The following ANKRD36 variants were observed in gnomAD, a reference collection of about 807,000 sequenced individuals.
The protein encoded by ANKRD36 is ankyrin repeat domain 36.
Under a neutral mutation model 278.1 loss-of-function variants are expected in ANKRD36, and 179 were observed. The observed-to-expected ratio is 0.64, with a 90% CI of 0.57 to 0.73. ANKRD36 has a LOEUF of 0.73. Among genes scored for constraint, ANKRD36 ranks in the 30% least tolerant of loss-of-function variants. The probability of loss-of-function intolerance (pLI) is 0.00; values close to 1 mark genes in which losing one functional copy is unlikely to be tolerated. For missense variants in ANKRD36, 1,159 were observed against 1,956.7 expected, an observed-to-expected ratio of 0.59 and a Z score of 7.69; for synonymous variants, 320 against 641.1, an observed-to-expected ratio of 0.50 and a Z score of 7.57.
intron 24 of ANKRD36, among the ~76,000 whole-genome samples, chr2:97,180,143 T>G (rs1470971340): frequency 6.6e-6 from 1 of 151,554 alleles, no homozygotes; most frequent in South Asian, 2.1e-4. Flanking sequence ...TTCCCTACAT[T>G]GAAATTGGGA....
intron 5 of ANKRD36, among the ~76,000 whole-genome samples, chr2:97,126,476 C>T (rs529299342): frequency 1.3e-5 from 2 of 151,820 alleles, no homozygotes; most frequent in Non-Finnish European, 2.9e-5. Flanking sequence ...GTTGAGATAA[C>T]CTGAATTATA....
intron 6 of ANKRD36, among the ~76,000 whole-genome samples, chr2:97,132,283 A>T (rs1451301542): frequency 1.3e-5 from 2 of 151,788 alleles, no homozygotes; most frequent in Non-Finnish European, 2.9e-5. Flanking sequence ...GGTGTGTGTC[A>T]TTGCACCTGG....
intron 4 of ANKRD36, among the ~76,000 whole-genome samples, chr2:97,123,810 A>G (rs1266844626): frequency 6.9e-6 from 1 of 144,666 alleles, no homozygotes; most frequent in Non-Finnish European, 1.5e-5. Context: ...GATAATATAT[A>G]ATACACTATA....
At chr2:97,150,868 TA>T (rs2045752441) in intron 12 of ANKRD36, among the ~76,000 whole-genome samples, 55 of 124,272 alleles carry the variant, frequency 4.4e-4, no homozygotes, top group Admixed American at 1.3e-3. Context: ...GCTGGAATTT[TA>T]TTGTTTTTTT....
rs544028083 is a variant in ANKRD36 at position 97,203,591 on chromosome 2, C to G, written c.2960-477C>G. Among the ~76,000 whole-genome samples, 7 of 151,936 alleles carry G rather than the reference C, an allele frequency of 4.6e-5. No homozygotes were observed. In the East Asian group the frequency reaches 1.4e-3, roughly 30 times the overall value. On this transcript the variant is annotated intron_variant, in intron 48 of 75. Coordinates refer to ENST00000420699, the MANE Select transcript of ANKRD36 (RefSeq NM_001354587.1). Reference sequence around the variant, plus strand: ...GAAGAGATGTGAAGTGTACGTTCAACTGAATTGTCATGGTAATTGTGTGCC... The same window carrying G: ...GAAGAGATGTGAAGTGTACGTTCAAGTGAATTGTCATGGTAATTGTGTGCC...
chr2:97,183,526 T>G (rs534019372), intron 27 of ANKRD36, 39 bp downstream of exon 27: 3 of 1,552,142 alleles, frequency 1.9e-6, no homozygotes, highest in African/African-American at 2.8e-5. Context: ...TTATTTATTT[T>G]ATAGCCTATG....
intron 22 of ANKRD36, among the ~76,000 whole-genome samples, chr2:97,176,896 G>C (rs1049912702): frequency 1.3e-5 from 2 of 151,608 alleles, no homozygotes; most frequent in African/African-American, 4.8e-5. Flanking sequence ...GCTTAGTTTG[G>C]CTGGATATGA....
At chr2:97,208,234 A>G (rs1183146024) in intron 54 of ANKRD36, among the ~76,000 whole-genome samples, 1 of 146,744 alleles carries the variant, frequency 6.8e-6, no homozygotes, top group East Asian at 1.9e-4. Flanking sequence ...AAGAAGAATT[A>G]TGGAGAGCAG....
intron 64 of ANKRD36, among the ~76,000 whole-genome samples, chr2:97,217,664 A>G (rs1207341512): frequency 6.6e-6 from 1 of 152,090 alleles, no homozygotes; most frequent in Non-Finnish European, 1.5e-5. Flanking sequence ...TTTTGCTCTT[A>G]TTTCAGAGCA....
chr2:97,209,354 C>T lies in ANKRD36; in HGVS notation c.3266-327C>T, dbSNP rs375626628. On this transcript the variant is annotated intron_variant, in intron 54 of 75. Coordinates refer to ENST00000420699, the MANE Select transcript of ANKRD36 (RefSeq NM_001354587.1). ...GCACCTGTTTTGACATTGATTCTCA[C>T]GTATATGAGTTGTTCCTCTGATTTT... 2.9e-4 allele frequency among the ~76,000 whole-genome samples: 43 copies of T among 146,690 alleles called. 12 individuals carry two copies. The highest frequency in any genetic ancestry group is 6.7e-4 in the Admixed American group (10 of 14,826).
At chr2:97,195,773 C>A (rs2059587991) in intron 40 of ANKRD36, among the ~76,000 whole-genome samples, 1 of 151,904 alleles carries the variant, frequency 6.6e-6, no homozygotes. Context: ...TGTTGCATTC[C>A]AATTAAGTCC....
rs2059881102 is a variant in ANKRD36, at chr2:97,196,768, A to T, written c.2633A>T (p.Asp878Val). The change falls in exon 42 of 76, where the codon GAT (aspartate) becomes GTT (valine). Residue 878 changes from aspartate to valine, a missense_variant. Asp to Val is a radical substitution (Grantham distance 152). Transcript: ENST00000420699. ...TTGGGTATAGCCAGAGAAAACAAGG[A>T]TGGAGAAAAATCTAGGACAGGTAAT... is the stretch of plus-strand genomic sequence containing the variant. ...SVLGIARENKDGEKSRTVSSE... is the reference protein window; with the variant it reads ...SVLGIARENKVGEKSRTVSSE... The T allele has an allele frequency of 1.9e-6, 3 of 1,549,240 alleles. No homozygotes were observed. The East Asian group carries it at 7.3e-5, about 38-fold the overall frequency.
At chr2:97,201,861 A>T (rs1213034908) in intron 46 of ANKRD36, among the ~76,000 whole-genome samples, 1 of 151,902 alleles carries the variant, frequency 6.6e-6, no homozygotes, top group Non-Finnish European at 1.5e-5. Flanking sequence ...ACCTGCTTTG[A>T]CATTGATTCT....
intron 14 of ANKRD36, among the ~76,000 whole-genome samples, chr2:97,152,895 A>G (rs2046429502): frequency 6.7e-6 from 1 of 149,370 alleles, no homozygotes; most frequent in African/African-American, 2.4e-5. Context: ...CAATTCAGAA[A>G]GTCACATTTT....
chr2:97,138,244 TG>T (rs2042025907), intron 6 of ANKRD36, among the ~76,000 whole-genome samples: 1 of 152,104 alleles, frequency 6.6e-6, no homozygotes, highest in Non-Finnish European at 1.5e-5. Context: ...AACTTCCTCA[TG>T]GTCTCAGGAT....
intron 22 of ANKRD36, among the ~76,000 whole-genome samples, chr2:97,172,726 C>T (rs1254098524): frequency 6.6e-6 from 1 of 151,586 alleles, no homozygotes; most frequent in Non-Finnish European, 1.5e-5. Context: ...CAATTTAGAA[C>T]CCCTTTGTTG....
Position 97,181,579 on chromosome 2 carries a change from T to A in ANKRD36, c.1736-19T>A. The A allele has an allele frequency of 6.2e-7, 1 of 1,603,512 alleles. No individual in the cohort carries two copies. The highest frequency in any genetic ancestry group is 8.5e-7 in the Non-Finnish European group (1 of 1,177,868). ...TCATATGTACATGTGAGTGATTATG[T>A]TTCCCTTTTGCTTTTCAGTGTCTTC... On this transcript the variant is annotated intron_variant, in intron 24 of 75. Transcript: ENST00000420699.
chr2:97,115,347 T>C (rs2034966806), intron 1 of ANKRD36, among the ~76,000 whole-genome samples: 1 of 152,072 alleles, frequency 6.6e-6, no homozygotes, highest in Admixed American at 6.6e-5. Context: ...CCTACTTATA[T>C]TGATGCATGT....
intron 6 of ANKRD36, among the ~76,000 whole-genome samples, chr2:97,131,975 T>C (rs549561426): frequency 1.4e-3 from 220 of 151,970 alleles, no homozygotes; most frequent in Middle Eastern, 6.8e-3. Context: ...ACTACAGGCC[T>C]GCACCACCAC....
Sources: gnomAD v4.1 joint callset for allele counts (sites outside exome capture counted in the v4.1 genomes callset) on GRCh38, gnomAD v4.1.1 for gene constraint, MANE v1.5 for transcripts, NCBI Gene and HGNC (gene_info 2026-07-23, HGNC 2026-07-21) for gene names.